The following KDM4C variants were observed in gnomAD, a reference collection of about 807,000 sequenced individuals.
The protein encoded by KDM4C is lysine-specific demethylase 4C.
Under a neutral mutation model 129.3 loss-of-function variants are expected in KDM4C, and 81 were observed. The observed-to-expected ratio is 0.63, with a 90% confidence interval of 0.52 to 0.75. The LOEUF is 0.75. Ranked by LOEUF, KDM4C falls within the 30% of genes least tolerant of loss-of-function variation. KDM4C has a pLI of 0.00. For missense variants in KDM4C, 1,457 were observed against 1,304.0 expected (o/e 1.12, Z -1.81); for synonymous variants, 573 against 456.1 (o/e 1.26, Z -3.26).
intron 17 of KDM4C, among the ~76,000 whole-genome samples, chr9:7,054,861 G>A (rs1830656867): frequency 6.6e-6 from 1 of 152,120 alleles, no homozygotes; most frequent in South Asian, 2.1e-4. Flanking sequence ...TACTCTATTT[G>A]GAGATAAAGT....
At chr9:6,925,302 C>T in intron 8 of KDM4C, 1 of 985,188 alleles carries the variant, frequency 1.0e-6, no homozygotes, top group Non-Finnish European at 1.2e-6. Context: ...TAATGGAGGT[C>T]AAATAAAGGA....
At chr9:6,928,910 G>A (rs1002452311) in intron 8 of KDM4C, among the ~76,000 whole-genome samples, 6 of 152,170 alleles carry the variant, frequency 3.9e-5, no homozygotes, top group Non-Finnish European at 8.8e-5. Context: ...ACCCTCTACA[G>A]CTTATCTGTA....
chr9:6,756,481 C>T (rs182518459), upstream of KDM4C, among the ~76,000 whole-genome samples: 2 of 152,330 alleles, frequency 1.3e-5, no homozygotes, highest in African/African-American at 4.8e-5. Flanking sequence ...CTTTGGGAGG[C>T]CGAGGCGGGC....
chr9:6,972,429 A>G (rs1832158739), intron 8 of KDM4C, among the ~76,000 whole-genome samples: 1 of 152,162 alleles, frequency 6.6e-6, no homozygotes, highest in Admixed American at 6.5e-5. Context: ...GGAGTATTAG[A>G]AAATTTTTTT....
At chr9:7,122,402 T>G (rs10815521) in intron 18 of KDM4C, among the ~76,000 whole-genome samples, 3 of 151,888 alleles carry the variant, frequency 2.0e-5, no homozygotes, top group Non-Finnish European at 4.4e-5. Context: ...ACCTCCAATA[T>G]TGGGGATTCC....
chr9:6,897,209 T>G (rs900834694), intron 8 of KDM4C, among the ~76,000 whole-genome samples: 4 of 152,192 alleles, frequency 2.6e-5, no homozygotes, highest in Admixed American at 1.3e-4. Context: ...CAGACTTTTT[T>G]TGTGTGTGTA....
chr9:6,919,218 T>TTC (rs1554643656), intron 8 of KDM4C, among the ~76,000 whole-genome samples: 7 of 75,990 alleles, frequency 9.2e-5, no homozygotes, highest in South Asian at 4.1e-4. Context: ...TGAATTTTCT[T>TTC]TTTCCTTCTT....
intron 18 of KDM4C, among the ~76,000 whole-genome samples, chr9:7,119,142 C>T (rs756288480): frequency 7.9e-5 from 12 of 152,048 alleles, no homozygotes; most frequent in Non-Finnish European, 1.2e-4. Context: ...TTTTAGCTTC[C>T]ATAACTTAAC....
intron 15 of KDM4C, among the ~76,000 whole-genome samples, chr9:7,022,729 G>C (rs955560861): frequency 4.0e-5 from 6 of 149,752 alleles, no homozygotes; most frequent in Admixed American, 1.4e-4. Context: ...TTGTGTTACA[G>C]GTCTTAGAGA....
At chr9:6,913,226 A>G (rs1488752570) in intron 8 of KDM4C, among the ~76,000 whole-genome samples, 1 of 152,056 alleles carries the variant, frequency 6.6e-6, no homozygotes, top group Non-Finnish European at 1.5e-5. Flanking sequence ...TTTTCAAAAA[A>G]TTAGCTACCC....
intron 8 of KDM4C, among the ~76,000 whole-genome samples, chr9:6,934,967 A>G (rs990198240): frequency 1.3e-5 from 2 of 151,562 alleles, no homozygotes; most frequent in Non-Finnish European, 2.9e-5. Context: ...TTCTTTCAGT[A>G]GTGATTTGGC....
rs1042632191 is a variant in KDM4C, at chr9:6,955,560, G to A, written c.922-25365G>A. Among the ~76,000 whole-genome samples the A allele has an allele frequency of 2.6e-5, 4 of 152,244 alleles. No individual in the cohort carries two copies. In the East Asian group the frequency reaches 5.8e-4, roughly 22 times the overall value. On this transcript the variant is annotated intron_variant, in intron 8 of 21. Coordinates refer to ENST00000381309, the MANE Select transcript of KDM4C (RefSeq NM_015061.6). Reference sequence around the variant, plus strand: ...TGCATATTTGCATGGAATCTGTGCCGCAGCTTTATCGAAGTATGACTCTAG... The same window carrying A: ...TGCATATTTGCATGGAATCTGTGCCACAGCTTTATCGAAGTATGACTCTAG...
At chr9:6,782,874 G>A (rs1824672644) in intron 1 of KDM4C, among the ~76,000 whole-genome samples, 1 of 152,184 alleles carries the variant, frequency 6.6e-6, no homozygotes, top group Non-Finnish European at 1.5e-5. Context: ...TCTTGGGGTG[G>A]TTGAAGAAAA....
chr9:6,915,107 G>T (rs76786810), intron 8 of KDM4C, among the ~76,000 whole-genome samples: 2,204 of 152,202 alleles, frequency 0.014, 26 homozygotes, highest in Non-Finnish European at 0.024. Flanking sequence ...ATTTTCTGTG[G>T]GGTGCTTTTT....
chr9:6,808,231 G>A (rs1417870024), intron 3 of KDM4C, among the ~76,000 whole-genome samples: 1 of 73,804 alleles, frequency 1.4e-5, no homozygotes. Context: ...GGATGACAAT[G>A]GCGGCTTTGT....
chr9:6,868,469 C>A (rs977931659), intron 5 of KDM4C, among the ~76,000 whole-genome samples: 2 of 152,104 alleles, frequency 1.3e-5, no homozygotes, highest in African/African-American at 4.8e-5. Flanking sequence ...CTGTTGGTTC[C>A]AGGTTCCATT....
chr9:7,097,509 A>G (rs571146364), intron 17 of KDM4C, among the ~76,000 whole-genome samples: 54 of 152,300 alleles, frequency 3.5e-4, no homozygotes, highest in African/African-American at 1.3e-3. Flanking sequence ...GACCTGAGTC[A>G]TCAAAGTAGA....
intron 18 of KDM4C, among the ~76,000 whole-genome samples, chr9:7,114,458 A>T (rs2133240271): frequency 6.6e-6 from 1 of 152,344 alleles, no homozygotes; most frequent in Middle Eastern, 3.4e-3. Context: ...GAATAATCAC[A>T]GCAATGTATT....
chr9:7,067,780 CAT>C (rs1312947067), intron 17 of KDM4C, among the ~76,000 whole-genome samples: 2 of 152,066 alleles, frequency 1.3e-5, no homozygotes, highest in African/African-American at 4.8e-5. Flanking sequence ...TCATTGTTAA[CAT>C]ATTGGAGTAA....
Sources: gnomAD v4.1 joint callset for allele counts (sites outside exome capture counted in the v4.1 genomes callset) on GRCh38, gnomAD v4.1.1 for gene constraint, MANE v1.5 for transcripts, NCBI Gene and HGNC (gene_info 2026-07-23, HGNC 2026-07-21) for gene names.